Variants in OR51B5 observed in about 807,000 individuals in gnomAD.
OR51B5 encodes the protein olfactory receptor 51B5.
For synonymous variants in OR51B5, 186 were observed against 144.8 expected (o/e 1.28, Z -2.04); for missense variants, 456 against 374.6 (o/e 1.22, Z -1.79).
At chr11:5,366,468 G>C (rs1564923348) in intron 1 of OR51B5, among the ~76,000 whole-genome samples, 1 of 152,066 alleles carries the variant, frequency 6.6e-6, no homozygotes, top group African/African-American at 2.4e-5. Flanking sequence ...AATTAGCAGG[G>C]CCTGGTGGCA....
intron 1 of OR51B5, chr11:5,383,928 C>G (rs1849646553): frequency 1.3e-5 from 2 of 152,346 alleles, no homozygotes; most frequent in South Asian, 2.1e-4. Flanking sequence ...GTGAGTCTCA[C>G]TACTGTCTTG....
chr11:5,402,170 C>T (rs781417023), intron 1 of OR51B5, among the ~76,000 whole-genome samples: 6 of 151,926 alleles, frequency 3.9e-5, no homozygotes, highest in Non-Finnish European at 8.8e-5. Flanking sequence ...CTCCAACAAG[C>T]CTGGCTAATT....
chr11:5,490,948 A>G (rs1166287492), intron 1 of OR51B5, among the ~76,000 whole-genome samples: 1 of 152,254 alleles, frequency 6.6e-6, no homozygotes, highest in African/African-American at 2.4e-5. Flanking sequence ...TTATAGCTGC[A>G]TGGCTTAATC....
intron 1 of OR51B5, among the ~76,000 whole-genome samples, chr11:5,416,875 G>A (rs1850252939): frequency 6.6e-6 from 1 of 151,918 alleles, no homozygotes. Flanking sequence ...CAGATTCAAT[G>A]CCATCCCCAT....
intron 1 of OR51B5, among the ~76,000 whole-genome samples, chr11:5,420,175 A>G (rs1850310062): frequency 6.6e-6 from 1 of 152,006 alleles, no homozygotes; most frequent in Non-Finnish European, 1.5e-5. Flanking sequence ...ATCATTTACT[A>G]CCAGAAGTAA....
chr11:5,407,168 G>C lies in OR51B5; in HGVS notation n.85-60258C>G, dbSNP rs927382421. On this transcript the variant is annotated intron_variant and non_coding_transcript_variant, in intron 1 of 4. Coordinates refer to the OR51B5 transcript ENST00000415970. ...GGGCATATTTCTTGATCTGTATTGA[G>C]GGTACAGGATATATTCATTTTGTGA... 2.1e-4 allele frequency among the ~76,000 whole-genome samples: 32 copies of C among 152,058 alleles called. 1 individual carries two copies. Among genetic ancestry groups the C allele is most frequent in the Admixed American group, 1.8e-3 (27 of 15,264 alleles).
chr11:5,441,160 C>T lies in OR51B5; in HGVS notation n.84+64409G>A, dbSNP rs1361145675. ...GCCACAAAGCGATCCAAGCTCATGG[C>T]CAGCAGTATGCCTGACTCCATGAAG... On this transcript the variant is annotated intron_variant and non_coding_transcript_variant, in intron 1 of 4. Coordinates refer to the OR51B5 transcript ENST00000415970. The T allele has an allele frequency of 1.9e-6, 3 of 1,613,982 alleles. No homozygotes were observed. The highest frequency in any genetic ancestry group is 2.5e-6 in the Non-Finnish European group (3 of 1,179,942).
intron 1 of OR51B5, chr11:5,390,420 C>G: frequency 2.7e-6 from 4 of 1,490,334 alleles, no homozygotes; most frequent in Non-Finnish European, 3.6e-6. Context: ...TATAAGAAGG[C>G]CCCAAATTGG....
At chr11:5,393,636 C>T (rs1462652947) in intron 1 of OR51B5, among the ~76,000 whole-genome samples, 2 of 151,948 alleles carry the variant, frequency 1.3e-5, no homozygotes, top group Non-Finnish European at 2.9e-5. Flanking sequence ...ATGATAAATG[C>T]TAATGTTTAT....
intron 1 of OR51B5, chr11:5,488,981 CT>C (rs1284115213): frequency 6.2e-7 from 1 of 1,614,082 alleles, no homozygotes; most frequent in Non-Finnish European, 8.5e-7. Flanking sequence ...TGGCTCCATG[CT>C]GGTGAGATTT....
At chr11:5,366,690 A>G (rs1564923461) in intron 1 of OR51B5, among the ~76,000 whole-genome samples, 1 of 151,362 alleles carries the variant, frequency 6.6e-6, no homozygotes, top group African/African-American at 2.4e-5. Context: ...GAAGAAGGAG[A>G]AGGAGAAGAA....
At chr11:5,421,890 G>T (rs759347984) in intron 1 of OR51B5, among the ~76,000 whole-genome samples, 1 of 152,162 alleles carries the variant, frequency 6.6e-6, no homozygotes, top group Non-Finnish European at 1.5e-5. Context: ...TTGTATGAAA[G>T]GCTGATTTAA....
intron 1 of OR51B5, among the ~76,000 whole-genome samples, chr11:5,382,926 C>G (rs1849631916): frequency 6.6e-6 from 1 of 152,110 alleles, no homozygotes; most frequent in African/African-American, 2.4e-5. Context: ...CAACCATGCC[C>G]TATTTAAAGG....
intron 1 of OR51B5, among the ~76,000 whole-genome samples, chr11:5,412,982 C>T (rs1218185636): frequency 6.6e-6 from 1 of 152,092 alleles, no homozygotes; most frequent in Non-Finnish European, 1.5e-5. Flanking sequence ...GATGGGCAGA[C>T]TGCCTCCTCA....
chr11:5,476,088 G>A (rs539713009), intron 1 of OR51B5, among the ~76,000 whole-genome samples: 7 of 152,232 alleles, frequency 4.6e-5, no homozygotes, highest in South Asian at 2.1e-4. Flanking sequence ...AAGTCCATGC[G>A]CAGTAGAGAA....
chr11:5,419,083 C>T (rs1850290335), intron 1 of OR51B5, among the ~76,000 whole-genome samples: 1 of 152,064 alleles, frequency 6.6e-6, no homozygotes, highest in Non-Finnish European at 1.5e-5. Context: ...TCTTCACTCT[C>T]CTTCAAATTG....
intron 1 of OR51B5, among the ~76,000 whole-genome samples, chr11:5,457,014 C>G (rs1007320562): frequency 6.6e-6 from 1 of 152,196 alleles, no homozygotes; most frequent in Non-Finnish European, 1.5e-5. Flanking sequence ...GAAGCCGAGC[C>G]TATGCCAGCA....
intron 1 of OR51B5, among the ~76,000 whole-genome samples, chr11:5,375,647 C>T (rs1849514893): frequency 6.6e-6 from 1 of 152,040 alleles, no homozygotes; most frequent in Non-Finnish European, 1.5e-5. Context: ...CAAAAAAAGG[C>T]AGGGGTTGCA....
chr11:5,492,849 G>A (rs1214723807), intron 1 of OR51B5, among the ~76,000 whole-genome samples: 1 of 152,090 alleles, frequency 6.6e-6, no homozygotes, highest in Non-Finnish European at 1.5e-5. Context: ...TGACCAGGCT[G>A]ATCTCGAACT....
Sources: allele counts gnomAD v4.1 joint callset (sites outside exome capture counted in the v4.1 genomes callset), GRCh38; gene constraint gnomAD v4.1.1; transcripts MANE v1.5; gene names NCBI Gene and HGNC (gene_info 2026-07-23, HGNC 2026-07-21).